CDH12: variants seen among roughly 807,000 people sequenced by gnomAD.
CDH12 encodes the protein cadherin-12.
Under a neutral mutation model 74.1 loss-of-function variants are expected in CDH12, and 41 were observed. That is an observed-to-expected ratio of 0.55 (90% CI 0.43 to 0.72). CDH12 has a LOEUF of 0.72. CDH12 is among the 30% of genes least tolerant of loss of function. CDH12 has a pLI of 0.00. For missense variants in CDH12, 945 were observed against 977.2 expected (o/e 0.97, Z 0.44); for synonymous variants, 399 against 355.0 (o/e 1.12, Z -1.39).
intron 1 of CDH12, among the ~76,000 whole-genome samples, chr5:22,533,569 GGTAA>G (rs1160431758): frequency 1.3e-5 from 2 of 151,966 alleles, no homozygotes; most frequent in African/African-American, 4.8e-5. Flanking sequence ...ATGCTTCCTA[GGTAA>G]GTAATTAATT....
At chr5:22,623,605 A>G (rs1225911133) in intron 1 of CDH12, among the ~76,000 whole-genome samples, 1 of 152,184 alleles carries the variant, frequency 6.6e-6, no homozygotes, top group African/African-American at 2.4e-5. Flanking sequence ...TCCAACTTAC[A>G]AGGGACATGA....
intron 3 of CDH12, among the ~76,000 whole-genome samples, chr5:22,221,516 C>A (rs1259725479): frequency 6.6e-6 from 1 of 151,886 alleles, no homozygotes; most frequent in African/African-American, 2.4e-5. Flanking sequence ...TGCTTTGACT[C>A]TAAGTGACTT....
chr5:22,724,128 GA>G (rs1243068506), intron 1 of CDH12, among the ~76,000 whole-genome samples: 4 of 151,836 alleles, frequency 2.6e-5, no homozygotes, highest in African/African-American at 9.7e-5. Flanking sequence ...TATAATCACT[GA>G]AGCAGAGTTT....
At chr5:21,910,884 T>C (rs1753832407) in intron 6 of CDH12, among the ~76,000 whole-genome samples, 1 of 151,944 alleles carries the variant, frequency 6.6e-6, no homozygotes, top group Non-Finnish European at 1.5e-5. Context: ...ATAACTCAGA[T>C]CCCAGAGGGT....
At chr5:22,398,987 C>T (rs1055204492) in intron 3 of CDH12, among the ~76,000 whole-genome samples, 1 of 151,996 alleles carries the variant, frequency 6.6e-6, no homozygotes, top group Non-Finnish European at 1.5e-5. Flanking sequence ...AGCAACATCA[C>T]TAAGGTATTC....
intron 6 of CDH12, among the ~76,000 whole-genome samples, chr5:21,952,388 T>C (rs1413991153): frequency 6.6e-6 from 1 of 152,148 alleles, no homozygotes. Flanking sequence ...AACCAGGATG[T>C]TGAGGATGTG....
intron 6 of CDH12, among the ~76,000 whole-genome samples, chr5:21,855,680 A>G (rs13171683): frequency 0.64 from 96,796 of 151,354 alleles, 34,867 homozygotes; most frequent in East Asian, 0.79. Flanking sequence ...ATACACGTGT[A>G]CATCCAAAGT....
At chr5:22,328,962 G>C (rs1411744691) in intron 3 of CDH12, among the ~76,000 whole-genome samples, 2 of 152,154 alleles carry the variant, frequency 1.3e-5, no homozygotes, top group Non-Finnish European at 2.9e-5. Context: ...TCCACAGCAG[G>C]ATGGTAGTAA....
chr5:22,564,100 C>T (rs1390896634), intron 1 of CDH12, among the ~76,000 whole-genome samples: 1 of 152,192 alleles, frequency 6.6e-6, no homozygotes, highest in African/African-American at 2.4e-5. Context: ...CAACCCCCAA[C>T]CACACCGTTC....
chr5:22,237,256 T>C (rs1162817969), intron 3 of CDH12, among the ~76,000 whole-genome samples: 3 of 152,124 alleles, frequency 2.0e-5, no homozygotes, highest in Admixed American at 6.5e-5. Context: ...AATGTTGTTA[T>C]GTGGTGCATG....
intron 3 of CDH12, among the ~76,000 whole-genome samples, chr5:22,371,060 A>C (rs1216743050): frequency 1.3e-5 from 2 of 152,168 alleles, no homozygotes; most frequent in African/African-American, 4.8e-5. Flanking sequence ...TGGCAAATAA[A>C]TGGAGGTCAA....
chr5:22,442,044 G>A (rs897368813), intron 2 of CDH12, among the ~76,000 whole-genome samples: 1 of 152,090 alleles, frequency 6.6e-6, no homozygotes, highest in South Asian at 2.1e-4. Context: ...GATAAAGAAA[G>A]AAGGATTTAA....
At chr5:22,648,949 T>C (rs547551145) in intron 1 of CDH12, among the ~76,000 whole-genome samples, 2 of 152,088 alleles carry the variant, frequency 1.3e-5, no homozygotes, top group African/African-American at 4.8e-5. Flanking sequence ...AATATTGGAA[T>C]TTAGTCTGCA....
intron 6 of CDH12, among the ~76,000 whole-genome samples, chr5:21,859,111 G>A (rs997405782): frequency 6.6e-6 from 1 of 151,810 alleles, no homozygotes; most frequent in Non-Finnish European, 1.5e-5. Context: ...TGTATACTTC[G>A]AGCAACATCT....
chr5:21,915,901 A>G (rs1226314633), intron 6 of CDH12, among the ~76,000 whole-genome samples: 2 of 150,660 alleles, frequency 1.3e-5, no homozygotes, highest in African/African-American at 4.9e-5. Context: ...GGGTTAGGAA[A>G]GGAAAAAAAA....
chr5:22,384,443 G>C (rs919611830), intron 3 of CDH12, among the ~76,000 whole-genome samples: 4 of 142,082 alleles, frequency 2.8e-5, no homozygotes, highest in Non-Finnish European at 4.5e-5. Flanking sequence ...GGAGAATGGC[G>C]TGAACCCGGG....
intron 1 of CDH12, among the ~76,000 whole-genome samples, chr5:22,806,350 TC>T (rs1282103762): frequency 2.0e-5 from 3 of 148,324 alleles, no homozygotes; most frequent in African/African-American, 5.0e-5. Context: ...TGATTGCCAT[TC>T]TTTTTTTTTT....
intron 1 of CDH12, among the ~76,000 whole-genome samples, chr5:22,741,535 C>A (rs1745025483): frequency 6.6e-6 from 1 of 152,038 alleles, no homozygotes; most frequent in South Asian, 2.1e-4. Flanking sequence ...GTAGGGTGGG[C>A]TCCAAGATTG....
chr5:22,015,259 ATTCAGTGAGTTTT>A (rs1246450471), intron 5 of CDH12, among the ~76,000 whole-genome samples: 4 of 152,192 alleles, frequency 2.6e-5, no homozygotes, highest in African/African-American at 9.6e-5. Context: ...AAGAAATATC[ATTCAGTGAGTTTT>A]TTGTACACAT....
Sources: gnomAD v4.1 joint callset for allele counts (sites outside exome capture counted in the v4.1 genomes callset) on GRCh38, gnomAD v4.1.1 for gene constraint, MANE v1.5 for transcripts, NCBI Gene and HGNC (gene_info 2026-07-23, HGNC 2026-07-21) for gene names.